TOMM40: variants seen among roughly 807,000 people sequenced by gnomAD.
TOMM40 encodes translocase of outer mitochondrial membrane 40, also known as mitochondrial import receptor subunit TOM40 homolog.
In TOMM40, 9 loss-of-function variants were observed where a neutral mutation model predicts 38.4. The observed-to-expected ratio is 0.23, with a 90% CI of 0.14 to 0.41. The LOEUF (loss-of-function observed/expected upper bound fraction) is 0.41. Ranked by LOEUF, TOMM40 falls within the 10% of genes least tolerant of loss-of-function variation. TOMM40 has a pLI of 1.00. For synonymous variants in TOMM40, 184 were observed against 210.0 expected (o/e 0.88, Z 1.07); for missense variants, 299 against 486.5 (o/e 0.61, Z 3.63).
chr19:44,892,332 A>C, intron 1 of TOMM40, 61 bp from the exon 2 acceptor site: 1 of 1,508,112 alleles, frequency 6.6e-7, no homozygotes, highest in Non-Finnish European at 9.2e-7. Flanking sequence ...GTGGTAGGGA[A>C]GGAAGAGATG....
Position 44,903,041 on chromosome 19 carries a change from A to G in TOMM40, c.958A>G (p.Ser320Gly). The G allele has an allele frequency of 6.2e-7, 1 of 1,613,078 alleles. No homozygotes were observed. Among genetic ancestry groups the G allele is most frequent in the Non-Finnish European group, 8.5e-7 (1 of 1,179,890 alleles). ...GCTCTTCCCTGCAGGCTCTGTGGATAGCAACTGGATCGTGGGTGCCACGCT... is the reference window on the plus strand; with the variant it reads ...GCTCTTCCCTGCAGGCTCTGTGGATGGCAACTGGATCGTGGGTGCCACGCT... The part of the protein sequence containing the change: ...ANLLFKGSVD[S>G]NWIVGATLEK... The change falls in exon 9 of 9, where the codon AGC becomes GGC. Residue 320 changes from serine (S) to glycine (G), a missense_variant. Transcript: ENST00000426677.
chr19:44,896,925 A>G (rs769690320), intron 5 of TOMM40, among the ~76,000 whole-genome samples: 2 of 152,332 alleles, frequency 1.3e-5, no homozygotes, highest in East Asian at 3.9e-4. Context: ...ATGGTGGTAC[A>G]TGCCTGTAGT....
intron 5 of TOMM40, among the ~76,000 whole-genome samples, chr19:44,895,468 C>A (rs945963096): frequency 6.6e-6 from 1 of 152,124 alleles, no homozygotes; most frequent in African/African-American, 2.4e-5. Flanking sequence ...CATTTCCTGT[C>A]CCCAACTCAC....
chr19:44,901,571 C>A, intron 8 of TOMM40: 1 of 865,472 alleles, frequency 1.2e-6, no homozygotes, highest in East Asian at 2.8e-5. Context: ...TCCGTCTCTA[C>A]TAAAAATACA....
rs779580502 is a variant in TOMM40, at chr19:44,903,164, G to A, written c.1081G>A (p.Gly361Ser). The A allele has an allele frequency of 4.3e-6, 7 of 1,609,900 alleles. No individual in the cohort carries two copies. The African/African-American group carries it at 6.7e-5, about 15-fold the overall frequency. ...KFQCGFGLTI[G>S] is the part of the protein sequence containing the mutation. ...TCAGTGTGGCTTTGGCCTCACCATC[G>A]GCTGAGCCCTCCTGGCCCCCGCCTT... is the stretch of plus-strand genomic sequence containing the variant. Residue 361 changes from glycine to serine, a missense_variant, in exon 9 of 9, where the codon GGC becomes AGC. Coordinates refer to ENST00000426677, the MANE Select transcript of TOMM40 (RefSeq NM_001128917.2).
At chr19:44,902,979 A>G in intron 8 of TOMM40, 51 bp from the exon 9 acceptor site, 1 of 1,588,450 alleles carries the variant, frequency 6.3e-7, no homozygotes, top group East Asian at 2.3e-5. Flanking sequence ...GGAACTCTGC[A>G]TGGATATGGT....
chr19:44,901,164 T>G (rs987326757), intron 7 of TOMM40, 44 bp from the exon 8 acceptor site: 1 of 1,613,750 alleles, frequency 6.2e-7, no homozygotes, highest in African/African-American at 1.3e-5. Flanking sequence ...GAAGTCCAGG[T>G]GGGGCCACTT....
At chr19:44,898,863 G>T (rs1052871909) in intron 5 of TOMM40, among the ~76,000 whole-genome samples, 4 of 151,126 alleles carry the variant, frequency 2.6e-5, no homozygotes, top group African/African-American at 9.7e-5. Context: ...AAATTTTTTA[G>T]GCCGGGCGCG....
In TOMM40 at chr19:44,896,664, G is replaced by A. The variant is rs967397413; in HGVS notation, c.643+2598G>A. 3.9e-5 allele frequency among the ~76,000 whole-genome samples: 6 copies of A among 152,274 alleles called. 1 individual carries two copies. The Middle Eastern group carries it at 0.014, about 345-fold the overall frequency. On this transcript the variant is annotated intron_variant, in intron 5 of 8. Transcript: ENST00000426677. ...GTGAGCCTCCCCAGCCCCTCCCAAT[G>A]GTGACAGCTCCTTTTCTGCTTCACT...
intron 5 of TOMM40, among the ~76,000 whole-genome samples, chr19:44,899,791 CTTT>C (rs10524523): frequency 1.4e-4 from 13 of 90,966 alleles, no homozygotes; most frequent in African/African-American, 4.5e-4. Flanking sequence ...TTGCATCTGG[CTTT>C]TTTTTTTTTT....
At chr19:44,895,218 C>T (rs562494452) in intron 5 of TOMM40, among the ~76,000 whole-genome samples, 7 of 151,994 alleles carry the variant, frequency 4.6e-5, no homozygotes, top group Admixed American at 1.3e-4. Context: ...CACCACTTCT[C>T]GCTGCAGGAG....
chr19:44,896,986 C>T (rs768175386), intron 5 of TOMM40, among the ~76,000 whole-genome samples: 61 of 152,192 alleles, frequency 4.0e-4, no homozygotes, highest in Non-Finnish European at 7.9e-4. Context: ...ATAGTCCCAG[C>T]TACTTGGGAG....
chr19:44,900,797 C>T lies in TOMM40; in HGVS notation c.711C>T (p.Tyr237=). Residue 237 remains tyrosine, a synonymous_variant, in exon 6 of 9, where the codon TAC becomes TAT. Transcript: ENST00000426677. Reference sequence around the variant, plus strand: ...TGGCCCTGGGTGGAGAGCTGGTCTACCACCGGCGGCCTGGAGAGGAGGGCA... The same window carrying T: ...TGGCCCTGGGTGGAGAGCTGGTCTATCACCGGCGGCCTGGAGAGGAGGGCA... The part of the protein sequence containing the change: ...PCLALGGELV[Y]HRRPGEEGTV... 6.2e-7 allele frequency: 1 copy of T among 1,613,908 alleles called. No homozygotes were observed. The highest frequency in any genetic ancestry group is 2.2e-5 in the East Asian group (1 of 44,888).
chr19:44,891,729 G>T (rs1412500970), intron 1 of TOMM40, 40 bp downstream of exon 1: 1 of 1,401,944 alleles, frequency 7.1e-7, no homozygotes, highest in Non-Finnish European at 9.3e-7. Flanking sequence ...CGATGGCCTG[G>T]ATCTCGGGGG....
chr19:44,903,377 C>T lies in TOMM40; in HGVS notation c.*208C>T. 1.9e-6 allele frequency: 1 copy of T among 536,164 alleles called. No individual in the cohort carries two copies. The highest frequency in any genetic ancestry group is 3.2e-6 in the Non-Finnish European group (1 of 312,724). 33.2% of individuals were successfully genotyped at this position (536,164 alleles called of 1,614,324 possible). On this transcript the variant is annotated 3_prime_UTR_variant, in exon 9 of 9. Transcript: ENST00000426677. ...GCTTCGGGATTCTGAGTAGCAGGGG[C>T]AGCATGCCCAGTGGGCCTGGGGTCC... is the stretch of plus-strand genomic sequence containing the variant.
At chr19:44,897,535 C>T (rs1054534204) in intron 5 of TOMM40, among the ~76,000 whole-genome samples, 4 of 152,166 alleles carry the variant, frequency 2.6e-5, no homozygotes, top group South Asian at 4.1e-4. Context: ...TCACCTCAAC[C>T]TCCACCTTCT....
Position 44,892,375 on chromosome 19 carries a change from A to G in TOMM40, c.275-18A>G. ...GTGTGGGGTTGGAGTGGAGTGTGAC[A>G]GCGTTTCTCTTCTCCAGAGCTGTTT... On this transcript the variant is annotated intron_variant, in intron 1 of 8. Transcript: ENST00000426677. The G allele has an allele frequency of 6.2e-7, 1 of 1,613,634 alleles. No homozygotes were observed. Among genetic ancestry groups the G allele is most frequent in the Non-Finnish European group, 8.5e-7 (1 of 1,179,662 alleles).
At chr19:44,901,448 A>T in intron 8 of TOMM40, 138 bp downstream of exon 8, 1 of 1,483,690 alleles carries the variant, frequency 6.7e-7, no homozygotes, top group African/African-American at 1.4e-5. Context: ...AACACTTGTT[A>T]AAAGGTAGGT....
At chr19:44,897,790 A>AAGAG (rs538198716) in intron 5 of TOMM40, among the ~76,000 whole-genome samples, 2 of 146,390 alleles carry the variant, frequency 1.4e-5, no homozygotes, top group African/African-American at 5.1e-5. Context: ...AAAAAAAAAA[A>AAGAG]AGAGAGAGAG....
Sources: gnomAD v4.1 joint callset for allele counts (sites outside exome capture counted in the v4.1 genomes callset) on GRCh38, gnomAD v4.1.1 for gene constraint, MANE v1.5 for transcripts, NCBI Gene and HGNC (gene_info 2026-07-23, HGNC 2026-07-21) for gene names.